Variants in KDM4C observed in about 807,000 individuals in gnomAD.
KDM4C encodes the protein lysine-specific demethylase 4C.
In KDM4C, 81 loss-of-function variants were observed where a neutral mutation model predicts 129.3. The ratio of observed to expected loss-of-function variants is 0.63; its 90% CI spans 0.52 to 0.75. The LOEUF is 0.75. Ranked by LOEUF, KDM4C falls within the 30% of genes least tolerant of loss-of-function variation. The pLI is 0.00. For missense variants in KDM4C, 1,457 were observed against 1,304.0 expected, an observed-to-expected ratio of 1.12 and a Z score of -1.81; for synonymous variants, 573 against 456.1, an observed-to-expected ratio of 1.26 and a Z score of -3.26.
chr9:6,940,612 T>C (rs1825769135), intron 8 of KDM4C, among the ~76,000 whole-genome samples: 1 of 147,150 alleles, frequency 6.8e-6, no homozygotes, highest in East Asian at 2.0e-4. Flanking sequence ...TAAGATGTCA[T>C]AATTTTATTG....
chr9:6,952,100 T>C (rs982144585), intron 8 of KDM4C, among the ~76,000 whole-genome samples: 1 of 152,230 alleles, frequency 6.6e-6, no homozygotes, highest in African/African-American at 2.4e-5. Context: ...GATTTAATCT[T>C]TATGAAAGGA....
At chr9:6,958,985 T>A (rs1451136715) in intron 8 of KDM4C, among the ~76,000 whole-genome samples, 1 of 152,188 alleles carries the variant, frequency 6.6e-6, no homozygotes, top group African/African-American at 2.4e-5. Context: ...AGAGCACAGA[T>A]GATAGGTTCA....
At chr9:7,135,386 T>C (rs966428540) in intron 19 of KDM4C, among the ~76,000 whole-genome samples, 1 of 152,166 alleles carries the variant, frequency 6.6e-6, no homozygotes, top group African/African-American at 2.4e-5. Context: ...CTTTTTTCTT[T>C]CCAGGAGAGA....
intron 17 of KDM4C, among the ~76,000 whole-genome samples, chr9:7,082,397 A>C (rs10976032): frequency 0.44 from 66,156 of 151,984 alleles, 14,939 homozygotes; most frequent in Non-Finnish European, 0.46. Flanking sequence ...TGACCAAGGT[A>C]AGGCACTAGG....
chr9:6,819,902 G>A (rs1172741028), intron 4 of KDM4C, among the ~76,000 whole-genome samples: 1 of 152,052 alleles, frequency 6.6e-6, no homozygotes, highest in South Asian at 2.1e-4. Context: ...CGTGGTTCAT[G>A]GCATTATTTT....
chr9:6,737,050 CAAAA>C, intron 1 of KDM4C, among the ~76,000 whole-genome samples: 1 of 36,418 alleles, frequency 2.7e-5, no homozygotes, highest in Non-Finnish European at 5.7e-5. Context: ...GATTCTGTCT[CAAAA>C]AAAAAAAAAA....
chr9:7,077,111 T>A (rs756507640), intron 17 of KDM4C: 390 of 985,320 alleles, frequency 4.0e-4, no homozygotes, highest in Non-Finnish European at 4.6e-4. Context: ...TGATATATGC[T>A]ATCGAAACAG....
intron 15 of KDM4C, among the ~76,000 whole-genome samples, chr9:7,021,034 A>C (rs1238591074): frequency 4.0e-5 from 6 of 150,148 alleles, no homozygotes; most frequent in African/African-American, 1.2e-4. Flanking sequence ...TCATGTGTTC[A>C]ATTAGTTTTT....
intron 8 of KDM4C, among the ~76,000 whole-genome samples, chr9:6,909,314 G>C (rs561484773): frequency 2.0e-5 from 3 of 152,330 alleles, no homozygotes; most frequent in African/African-American, 7.2e-5. Flanking sequence ...GGGACAGAGA[G>C]CTGCAAAGTG....
At chr9:7,040,383 G>GTGTCTC (rs547513199) in intron 15 of KDM4C, among the ~76,000 whole-genome samples, 2 of 138,474 alleles carry the variant, frequency 1.4e-5, no homozygotes, top group Admixed American at 7.3e-5. Flanking sequence ...GTGTGTGTGT[G>GTGTCTC]TGTGTGTGTG....
intron 17 of KDM4C, among the ~76,000 whole-genome samples, chr9:7,093,602 A>C (rs1298186203): frequency 6.6e-6 from 1 of 151,776 alleles, no homozygotes; most frequent in African/African-American, 2.4e-5. Flanking sequence ...TGTGTCCTGG[A>C]CTCCTTTGGC....
At chr9:6,985,248 T>TG (rs1407438471) in intron 10 of KDM4C, among the ~76,000 whole-genome samples, 42 of 152,374 alleles carry the variant, frequency 2.8e-4, no homozygotes, top group African/African-American at 9.9e-4. Flanking sequence ...TTAGGTCTTG[T>TG]GACTACCTTC....
chr9:6,919,756 G>T (rs904621918), intron 8 of KDM4C, among the ~76,000 whole-genome samples: 2 of 151,912 alleles, frequency 1.3e-5, no homozygotes, highest in Non-Finnish European at 2.9e-5. Flanking sequence ...TGTATTTTTA[G>T]TAGAGATGGG....
At chr9:6,996,808 C>G (rs867758204) in intron 12 of KDM4C, among the ~76,000 whole-genome samples, 1 of 152,202 alleles carries the variant, frequency 6.6e-6, no homozygotes, top group South Asian at 2.1e-4. Flanking sequence ...TTTTAGTTTT[C>G]TTTTTTATGC....
intron 1 of KDM4C, among the ~76,000 whole-genome samples, chr9:6,738,135 AAAACTAAACTAAACTAAACTAAACT>A (rs200468678): frequency 4.4e-4 from 62 of 142,300 alleles, no homozygotes; most frequent in South Asian, 3.3e-3. Flanking sequence ...CTCCCTCTCA[AAAACTAAACTAAACTAAACTAAACT>A]AAACTAAACT....
intron 2 of KDM4C, among the ~76,000 whole-genome samples, chr9:6,800,058 T>A (rs534036943): frequency 6.7e-6 from 1 of 149,340 alleles, no homozygotes; most frequent in African/African-American, 2.5e-5. Flanking sequence ...CCACATCTTT[T>A]CCAAAAAAAA....
At chr9:6,949,272 C>A (rs1354007269) in intron 8 of KDM4C, among the ~76,000 whole-genome samples, 1 of 151,544 alleles carries the variant, frequency 6.6e-6, no homozygotes, top group Non-Finnish European at 1.5e-5. Context: ...CAGAGGCGCT[C>A]CTCACATCCC....
In KDM4C at chr9:6,791,881, G is replaced by T. The variant is rs534218182; in HGVS notation, c.-17-1091G>T. On this transcript the variant is annotated intron_variant, in intron 1 of 21. Transcript: ENST00000381309. ...TTACTAAAAATACAAAATTACCTGG[G>T]TGTGGTAGACCATGCCTGTAATCCG... Among the ~76,000 whole-genome samples, 32 of 152,162 alleles carry T rather than the reference G, an allele frequency of 2.1e-4. No individual in the cohort carries two copies. In the South Asian group the frequency reaches 6.6e-3, roughly 32 times the overall value.
intron 1 of KDM4C, among the ~76,000 whole-genome samples, chr9:6,763,791 C>T (rs1385097128): frequency 2.0e-5 from 3 of 152,152 alleles, no homozygotes; most frequent in Non-Finnish European, 2.9e-5. Context: ...GAGTTTCGCT[C>T]TTGTTGCCCA....
Sources: gnomAD v4.1 joint callset for allele counts (sites outside exome capture counted in the v4.1 genomes callset) on GRCh38, gnomAD v4.1.1 for gene constraint, MANE v1.5 for transcripts, NCBI Gene and HGNC (gene_info 2026-07-23, HGNC 2026-07-21) for gene names.